IQGAP2: variants seen among roughly 807,000 people sequenced by gnomAD.
The protein encoded by IQGAP2 is IQ motif containing GTPase activating protein 2, also known as ras GTPase-activating-like protein IQGAP2.
In IQGAP2, 173 loss-of-function variants were observed where a neutral mutation model predicts 201.3. The ratio of observed to expected loss-of-function variants is 0.86; its 90% confidence interval spans 0.76 to 0.98. IQGAP2 has a LOEUF of 0.98. Among genes scored for constraint, IQGAP2 ranks in the 50% least tolerant of loss-of-function variants. The pLI is 0.00. For missense variants in IQGAP2, 1,687 were observed against 1,864.8 expected (o/e 0.90, Z 1.76); for synonymous variants, 675 against 673.9 (o/e 1.00, Z -0.03).
intron 1 of IQGAP2, among the ~76,000 whole-genome samples, chr5:76,432,780 G>A (rs907979727): frequency 1.3e-5 from 2 of 152,122 alleles, no homozygotes; most frequent in Non-Finnish European, 2.9e-5. Flanking sequence ...TGAGAAGATC[G>A]GCTCATCACA....
intron 1 of IQGAP2, among the ~76,000 whole-genome samples, chr5:76,413,868 C>T (rs1751270580): frequency 1.3e-5 from 2 of 152,164 alleles, no homozygotes; most frequent in African/African-American, 4.8e-5. Context: ...ACTTAGCTAC[C>T]AGGGTCAGCC....
chr5:76,566,056 A>G (rs1368486111), intron 3 of IQGAP2, among the ~76,000 whole-genome samples: 1 of 152,178 alleles, frequency 6.6e-6, no homozygotes, highest in African/African-American at 2.4e-5. Flanking sequence ...AGGAAGATAA[A>G]GGTATGCCAC....
rs555601781 is a variant in IQGAP2 at position 76,681,267 on chromosome 5, A to C, written c.3661-1848A>C. 9.2e-5 allele frequency among the ~76,000 whole-genome samples: 14 copies of C among 152,236 alleles called. No individual in the cohort carries two copies. In the South Asian group the frequency reaches 1.2e-3, roughly 14 times the overall value. On this transcript the variant is annotated intron_variant, in intron 28 of 35. Coordinates refer to ENST00000274364, the MANE Select transcript of IQGAP2 (RefSeq NM_006633.5). ...GGACAATTACACATCAAAGGACATAATCAACTGAGTGAAAAGATAATGTAT... is the reference window on the plus strand; with the variant it reads ...GGACAATTACACATCAAAGGACATACTCAACTGAGTGAAAAGATAATGTAT...
rs749855802 is a variant in IQGAP2, at chr5:76,671,972, T to C, written c.3057T>C (p.Thr1019=). The change falls in exon 24 of 36, where the codon ACT becomes ACC. Residue 1019 remains threonine (T), a synonymous_variant. Coordinates refer to ENST00000274364, the MANE Select transcript of IQGAP2 (RefSeq NM_006633.5). The part of the protein sequence containing the change: ...KAWVNQLETQ[T]GEASKLPYDV... ...GGGTGAACCAACTAGAAACACAGAC[T>C]GGAGAGGCCAGGTAATAGAATCAGG... is the stretch of plus-strand genomic sequence containing the variant. 10 of 1,611,144 alleles carry C rather than the reference T, an allele frequency of 6.2e-6. No individual in the cohort carries two copies. Among genetic ancestry groups the C allele is most frequent in the Non-Finnish European group, 8.5e-6 (10 of 1,177,640 alleles).
At chr5:76,570,836 G>A (rs1580482839) in intron 4 of IQGAP2, among the ~76,000 whole-genome samples, 179 bp downstream of exon 4, 1 of 152,214 alleles carries the variant, frequency 6.6e-6, no homozygotes, top group Non-Finnish European at 1.5e-5. Flanking sequence ...CAGAATGAGG[G>A]ATGTGCCCAG....
In IQGAP2 at chr5:76,623,112, T is replaced by C; in HGVS notation, c.1522-4298T>C. On this transcript the variant is annotated intron_variant, in intron 13 of 35. Transcript: ENST00000274364. The stretch of plus-strand genomic sequence containing the variant: ...AAAGAAACCTAGGTTCAGTTGACTC[T>C]TAATTTGTAACAGAAACCCACATCC... 2.6e-6 allele frequency: 4 copies of C among 1,561,888 alleles called. No individual in the cohort carries two copies. The Admixed American group carries it at 5.0e-5, about 20-fold the overall frequency.
intron 1 of IQGAP2, among the ~76,000 whole-genome samples, chr5:76,458,236 A>T (rs1480978518): frequency 6.6e-6 from 1 of 152,202 alleles, no homozygotes; most frequent in Admixed American, 6.6e-5. Context: ...GGAAAGAGAT[A>T]ATGCCTATCT....
intron 2 of IQGAP2, among the ~76,000 whole-genome samples, chr5:76,509,657 G>A (rs1210461189): frequency 1.3e-5 from 2 of 152,098 alleles, no homozygotes; most frequent in Non-Finnish European, 2.9e-5. Context: ...GCCTCCCAAA[G>A]TGCTGGGATT....
intron 2 of IQGAP2, among the ~76,000 whole-genome samples, chr5:76,558,101 G>A (rs1036641950): frequency 6.6e-6 from 1 of 152,084 alleles, no homozygotes; most frequent in Non-Finnish European, 1.5e-5. Context: ...CACCATGCCC[G>A]GCCTGGTATC....
chr5:76,487,606 C>G (rs1157546474), intron 2 of IQGAP2, among the ~76,000 whole-genome samples: 1 of 152,154 alleles, frequency 6.6e-6, no homozygotes, highest in African/African-American at 2.4e-5. Flanking sequence ...GGCAGCTTCC[C>G]TCCTCCACTT....
intron 18 of IQGAP2, among the ~76,000 whole-genome samples, chr5:76,653,749 T>C (rs777123857): frequency 6.6e-6 from 1 of 152,190 alleles, no homozygotes; most frequent in African/African-American, 2.4e-5. Context: ...TTGGTAGCAA[T>C]TGGTCCCTCA....
intron 3 of IQGAP2, among the ~76,000 whole-genome samples, chr5:76,566,849 TCCCGTC>T (rs1395524743): frequency 2.0e-5 from 3 of 151,772 alleles, no homozygotes; most frequent in Non-Finnish European, 4.4e-5. Context: ...GAGGGAGCAG[TCCCGTC>T]CATTCTAAAT....
At chr5:76,631,639 T>C (rs751585760) in intron 14 of IQGAP2, among the ~76,000 whole-genome samples, 13 of 152,150 alleles carry the variant, frequency 8.5e-5, no homozygotes, top group South Asian at 8.3e-4. Context: ...CAGGAAAGAC[T>C]ATTGTTTTTA....
chr5:76,518,616 T>C (rs886716822), intron 2 of IQGAP2, among the ~76,000 whole-genome samples: 2 of 152,212 alleles, frequency 1.3e-5, no homozygotes, highest in Admixed American at 1.3e-4. Context: ...CTTTGATGTA[T>C]GTAAGTAATG....
At position 76,532,255 on chromosome 5, in the gene IQGAP2, C is replaced by T. The variant is rs1759346041; in HGVS notation, c.147-30141C>T. 2.6e-5 allele frequency among the ~76,000 whole-genome samples: 4 copies of T among 151,938 alleles called. 1 individual carries two copies. Among genetic ancestry groups the T allele is most frequent in the Admixed American group, 2.6e-4 (4 of 15,260 alleles). On this transcript the variant is annotated intron_variant, in intron 2 of 35. Transcript: ENST00000274364. Reference sequence around the variant, plus strand: ...GGCATGCTGGCGCATGTCTATAGTCCCAGATACTCAAGAGGCTGAATTGCG... The same window carrying T: ...GGCATGCTGGCGCATGTCTATAGTCTCAGATACTCAAGAGGCTGAATTGCG...
At chr5:76,577,018 G>T (rs1745513184) in intron 5 of IQGAP2, among the ~76,000 whole-genome samples, 1 of 152,210 alleles carries the variant, frequency 6.6e-6, no homozygotes, top group African/African-American at 2.4e-5. Context: ...ATCTTAGAAT[G>T]ATAACACTAT....
chr5:76,622,321 C>T (rs1749778662), intron 13 of IQGAP2, among the ~76,000 whole-genome samples: 1 of 152,208 alleles, frequency 6.6e-6, no homozygotes, highest in Non-Finnish European at 1.5e-5. Context: ...CCCACATGTG[C>T]TTACTGCTAA....
intron 1 of IQGAP2, among the ~76,000 whole-genome samples, chr5:76,427,851 G>A (rs1254223501): frequency 6.6e-6 from 1 of 152,244 alleles, no homozygotes; most frequent in East Asian, 1.9e-4. Context: ...AGCGGGGGCA[G>A]CATAAGCTTT....
chr5:76,688,379 A>C (rs1262450549), intron 30 of IQGAP2, among the ~76,000 whole-genome samples: 1 of 152,240 alleles, frequency 6.6e-6, no homozygotes, highest in African/African-American at 2.4e-5. Context: ...CCACAGTAGC[A>C]GAATTTGAGG....
Sources: allele counts gnomAD v4.1 joint callset (sites outside exome capture counted in the v4.1 genomes callset), GRCh38; gene constraint gnomAD v4.1.1; transcripts MANE v1.5; gene names NCBI Gene and HGNC (gene_info 2026-07-23, HGNC 2026-07-21).